DAB1: variants seen among roughly 807,000 people sequenced by gnomAD.
DAB1 encodes disabled homolog 1.
DAB1 carries 15 observed loss-of-function variants against 64.6 expected under a neutral mutation model. The observed-to-expected ratio is 0.23, with a 90% CI of 0.16 to 0.36. The LOEUF (loss-of-function observed/expected upper bound fraction) is 0.36, where lower values mean the gene tolerates loss of function less well. Ranked by LOEUF, DAB1 falls within the 10% of genes least tolerant of loss-of-function variation. The pLI is 1.00. For missense variants in DAB1, 596 were observed against 706.7 expected, an observed-to-expected ratio of 0.84 and a Z score of 1.78; for synonymous variants, 235 against 251.9, an observed-to-expected ratio of 0.93 and a Z score of 0.64.
intron 5 of DAB1, among the ~76,000 whole-genome samples, chr1:58,090,184 G>C (rs570678242): frequency 3.8e-4 from 57 of 151,910 alleles, no homozygotes; most frequent in African/African-American, 1.3e-3. Flanking sequence ...AGCCCACTGA[G>C]GTTGCGTGGT....
At chr1:58,372,179 C>A (rs1041681151) in intron 3 of DAB1, among the ~76,000 whole-genome samples, 30 of 152,302 alleles carry the variant, frequency 2.0e-4, no homozygotes, top group African/African-American at 7.2e-4. Context: ...GGCACTGTAC[C>A]CTGCAGAGCC....
intron 7 of DAB1, among the ~76,000 whole-genome samples, chr1:57,481,925 A>G (rs942885685): frequency 6.6e-6 from 1 of 152,236 alleles, no homozygotes; most frequent in African/African-American, 2.4e-5. Context: ...TAATGATCAA[A>G]GAAATTAAAC....
intron 4 of DAB1, among the ~76,000 whole-genome samples, chr1:58,232,950 G>A (rs867246530): frequency 1.2e-4 from 18 of 152,232 alleles, no homozygotes; most frequent in African/African-American, 4.1e-4. Context: ...ATTTCTCCAA[G>A]CAGGTTGTTA....
At chr1:57,016,471 A>G (rs111756902) in intron 11 of DAB1, among the ~76,000 whole-genome samples, 30 of 152,152 alleles carry the variant, frequency 2.0e-4, no homozygotes, top group African/African-American at 6.7e-4. Context: ...AGAGTTCCAT[A>G]GTCTCGGCAC....
At chr1:58,043,852 C>G (rs1010141722) in intron 5 of DAB1, among the ~76,000 whole-genome samples, 1 of 152,060 alleles carries the variant, frequency 6.6e-6, no homozygotes, top group Non-Finnish European at 1.5e-5. Flanking sequence ...CTCAGCCTCC[C>G]GAGTAGCTGG....
intron 5 of DAB1, among the ~76,000 whole-genome samples, chr1:57,968,996 A>G (rs1036861247): frequency 6.6e-6 from 1 of 152,218 alleles, no homozygotes; most frequent in Non-Finnish European, 1.5e-5. Flanking sequence ...ATGCACTAAT[A>G]TGTATAAGTT....
At chr1:58,350,441 G>A (rs1327022615) in intron 3 of DAB1, among the ~76,000 whole-genome samples, 2 of 152,068 alleles carry the variant, frequency 1.3e-5, no homozygotes, top group Non-Finnish European at 2.9e-5. Context: ...TCTTTTTGCT[G>A]TTCAGAAGCT....
At chr1:58,422,260 G>A (rs950029432) in intron 3 of DAB1, among the ~76,000 whole-genome samples, 16 of 151,704 alleles carry the variant, frequency 1.1e-4, no homozygotes, top group Non-Finnish European at 2.2e-4. Flanking sequence ...TTCATGGTAC[G>A]TGCTTGGAGT....
intron 5 of DAB1, among the ~76,000 whole-genome samples, chr1:57,947,896 G>A (rs1645207261): frequency 6.6e-6 from 1 of 152,160 alleles, no homozygotes; most frequent in African/African-American, 2.4e-5. Context: ...AATAAACCGT[G>A]GTCTCCTTCT....
chr1:58,161,879 T>C (rs779326814), intron 4 of DAB1, among the ~76,000 whole-genome samples: 6 of 152,136 alleles, frequency 3.9e-5, no homozygotes, highest in South Asian at 2.1e-4. Context: ...GCTTTTAAGC[T>C]AGGGAATGAC....
intron 7 of DAB1, among the ~76,000 whole-genome samples, chr1:57,488,059 G>C (rs1442095828): frequency 6.6e-6 from 1 of 151,990 alleles, no homozygotes; most frequent in Non-Finnish European, 1.5e-5. Context: ...GTATAATTAG[G>C]CTGACTTAAA....
intron 9 of DAB1, among the ~76,000 whole-genome samples, chr1:57,032,760 TA>T (rs1359761823): frequency 6.6e-6 from 1 of 152,244 alleles, no homozygotes; most frequent in Non-Finnish European, 1.5e-5. Context: ...ATTTTTGTCC[TA>T]GAGGTTTCCC....
chr1:58,459,713 C>T (rs1386069423), intron 3 of DAB1, among the ~76,000 whole-genome samples: 1 of 152,230 alleles, frequency 6.6e-6, no homozygotes, highest in African/African-American at 2.4e-5. Context: ...TATGGTGGCT[C>T]ACACCTATAA....
At chr1:58,031,197 T>A (rs942758) in intron 5 of DAB1, among the ~76,000 whole-genome samples, 1 of 152,108 alleles carries the variant, frequency 6.6e-6, no homozygotes, top group African/African-American at 2.4e-5. Flanking sequence ...AACAAAAAAA[T>A]GCTTCAATTT....
intron 9 of DAB1, among the ~76,000 whole-genome samples, chr1:57,047,794 G>T (rs1051358607): frequency 8.5e-5 from 13 of 152,184 alleles, no homozygotes; most frequent in African/African-American, 2.9e-4. Context: ...ACTTGATCTT[G>T]TTGACACTAT....
intron 9 of DAB1, among the ~76,000 whole-genome samples, chr1:57,056,976 T>A (rs1270415469): frequency 6.6e-6 from 1 of 151,974 alleles, no homozygotes; most frequent in Admixed American, 6.6e-5. Flanking sequence ...GAATGTTGAA[T>A]GAAGAAAAAG....
intron 2 of DAB1, among the ~76,000 whole-genome samples, chr1:57,230,760 C>A (rs1365992421): frequency 6.6e-6 from 1 of 152,054 alleles, no homozygotes; most frequent in Non-Finnish European, 1.5e-5. Flanking sequence ...GTGTTTGGAA[C>A]ATTACAATTC....
In DAB1 at chr1:58,025,661, A is replaced by G. The variant is rs1398502482; in HGVS notation, n.387+124850T>C. On this transcript the variant is annotated intron_variant and non_coding_transcript_variant, in intron 5 of 20. Coordinates refer to the DAB1 transcript ENST00000485760. Reference sequence around the variant, plus strand: ...TATATATATATGTGTGTATATATATATATATATATATATATATATATATAT... The same window carrying G: ...TATATATATATGTGTGTATATATATGTATATATATATATATATATATATAT... Among the ~76,000 whole-genome samples the G allele has an allele frequency of 4.8e-3, 663 of 139,392 alleles. 7 individuals are homozygous for G. The highest frequency in any genetic ancestry group is 7.7e-3 in the Non-Finnish European group (502 of 65,146). The allele number at this position is 139,392 out of a possible 152,430, so 91.4% of individuals were successfully genotyped here.
intron 4 of DAB1, among the ~76,000 whole-genome samples, chr1:58,290,445 A>G (rs1661789659): frequency 6.6e-6 from 1 of 152,180 alleles, no homozygotes; most frequent in Non-Finnish European, 1.5e-5. Flanking sequence ...TTATTAAAGC[A>G]CAACATGTCA....
Sources: gnomAD v4.1 joint callset for allele counts (sites outside exome capture counted in the v4.1 genomes callset) on GRCh38, gnomAD v4.1.1 for gene constraint, MANE v1.5 for transcripts, NCBI Gene and HGNC (gene_info 2026-07-23, HGNC 2026-07-21) for gene names.